Variants in KIDINS220 observed in about 807,000 individuals in gnomAD.
KIDINS220 encodes the protein kinase D interacting substrate 220.
KIDINS220 carries 63 observed loss-of-function variants against 157.6 expected under a neutral mutation model. The ratio of observed to expected loss-of-function variants is 0.40; its 90% CI spans 0.33 to 0.49. The LOEUF (loss-of-function observed/expected upper bound fraction) is 0.49, where lower values mean the gene tolerates loss of function less well. Among genes scored for constraint, KIDINS220 ranks in the 20% least tolerant of loss-of-function variants. The pLI is 0.66. For missense variants in KIDINS220, 1,772 were observed against 2,171.2 expected, an observed-to-expected ratio of 0.82 and a Z score of 3.65; for synonymous variants, 732 against 783.6, an observed-to-expected ratio of 0.93 and a Z score of 1.10.
chr2:8,795,676 C>A (rs1052004153), intron 11 of KIDINS220, among the ~76,000 whole-genome samples: 1 of 152,140 alleles, frequency 6.6e-6, no homozygotes, highest in African/African-American at 2.4e-5. Context: ...CAGCAACACA[C>A]AAAAGAATAC....
At chr2:8,759,544 C>T (rs1409373589) in intron 22 of KIDINS220, among the ~76,000 whole-genome samples, 1 of 148,926 alleles carries the variant, frequency 6.7e-6, no homozygotes. Context: ...TACAAAAACT[C>T]TCTTTGGCTT....
chr2:8,751,323 A>T, intron 23 of KIDINS220, 143 bp downstream of exon 23: 3 of 511,228 alleles, frequency 5.9e-6, no homozygotes, highest in Non-Finnish European at 1.0e-5. Context: ...CCTAATCTTT[A>T]ATTTCATGAA....
chr2:8,757,736 T>C (rs1419617121), intron 22 of KIDINS220: 1 of 1,612,460 alleles, frequency 6.2e-7, no homozygotes, highest in South Asian at 1.1e-5. Context: ...CAACTAACAC[T>C]GACTTGGAAA....
At chr2:8,727,024 GT>G, downstream of KIDINS220, 1 of 1,075,232 alleles carries the variant, frequency 9.3e-7, no homozygotes, top group African/African-American at 1.6e-5. Context: ...CTCAACCTTT[GT>G]GATAAGCCAT....
In KIDINS220 at chr2:8,791,121, A is replaced by T; in HGVS notation, c.1380T>A (p.Ile460=). The T allele has an allele frequency of 6.2e-7, 1 of 1,614,086 alleles. No individual in the cohort carries two copies. The highest frequency in any genetic ancestry group is 2.2e-5 in the East Asian group (1 of 44,874). ...CCCACTGTGCATATAACCCCACACA[A>T]ATGGGTGGCTGCATGGTAGGCTCAC... ...ILSEPTMQPP[I]CVGLYAQWGS... is the part of the protein sequence containing the mutation. Residue 460 remains isoleucine, a synonymous_variant, in exon 13 of 30, where the codon ATT becomes ATA. Coordinates refer to ENST00000256707, the MANE Select transcript of KIDINS220 (RefSeq NM_020738.4).
chr2:8,723,500 T>A (rs1414309910), downstream of KIDINS220: 1 of 152,190 alleles, frequency 6.6e-6, no homozygotes. Flanking sequence ...TCCCTCAACA[T>A]AATAAATTTT....
Position 8,750,192 on chromosome 2 carries a change from C to A in KIDINS220, c.3334G>T (p.Ala1112Ser). ...CSSTSFNGPF[A>S]GGVVSPQPHS... ...GGCTGTGGTGACACCACTCCACCTG[C>A]GAAGGGCCCATTGAAGGACGTGGAA... is the stretch of plus-strand genomic sequence containing the variant. The change falls in exon 24 of 30, where the codon GCA (alanine) becomes TCA (serine). Residue 1112 changes from alanine (A) to serine (S), a missense_variant. Physicochemically the swap from Ala to Ser is moderately conservative, Grantham distance 99. This residue lies in a region of KIDINS220 where 793 missense variants were observed against 885.5 expected (regional missense o/e 0.90). Coordinates refer to ENST00000256707, the MANE Select transcript of KIDINS220 (RefSeq NM_020738.4). 1.2e-6 allele frequency: 2 copies of A among 1,614,152 alleles called. No individual in the cohort carries two copies. Among genetic ancestry groups the A allele is most frequent in the Non-Finnish European group, 1.7e-6 (2 of 1,180,032 alleles).
intron 11 of KIDINS220, 46 bp downstream of exon 11, chr2:8,796,725 G>T: frequency 1.4e-6 from 2 of 1,451,440 alleles, no homozygotes; most frequent in South Asian, 2.3e-5. Flanking sequence ...GAGGTCAGTC[G>T]ACCAACAGCT....
Position 8,779,772 on chromosome 2 carries a change from T to C in KIDINS220, c.2272A>G (p.Thr758Ala). Residue 758 changes from threonine to alanine, a missense_variant, in exon 18 of 30, where the codon ACC becomes GCC. Transcript: ENST00000256707. ...TGATTCTGAGTGAAGCTGTCAATGG[T>C]TTTTGCCATCCTGGCCATCAATTCC... ...EVELMARMAK[T>A]IDSFTQNQTR... The C allele has an allele frequency of 1.2e-6, 2 of 1,613,974 alleles. No homozygotes were observed. The highest frequency in any genetic ancestry group is 1.7e-6 in the Non-Finnish European group (2 of 1,179,852).
intron 15 of KIDINS220, among the ~76,000 whole-genome samples, chr2:8,787,931 C>T (rs565575200): frequency 3.3e-5 from 5 of 152,178 alleles, no homozygotes; most frequent in East Asian, 1.9e-4. Flanking sequence ...CCAGGTTAAC[C>T]GCTCACATAA....
At chr2:8,825,490 T>C (rs1417338392) in intron 2 of KIDINS220, among the ~76,000 whole-genome samples, 1 of 152,084 alleles carries the variant, frequency 6.6e-6, no homozygotes, top group Non-Finnish European at 1.5e-5. Context: ...TTTTATGTTA[T>C]GTGTTTATCA....
chr2:8,728,744 GAGCCACATTCTCTTAAAA>G (rs1369904148), downstream of KIDINS220: 4 of 546,888 alleles, frequency 7.3e-6, no homozygotes, highest in Admixed American at 2.5e-4. Flanking sequence ...TGGGACTTAC[GAGCCACATTCTCTTAAAA>G]AGACTAGTTG....
intron 27 of KIDINS220, 124 bp downstream of exon 27, chr2:8,736,744 G>C (rs1041456977): frequency 1.9e-6 from 2 of 1,038,106 alleles, no homozygotes; most frequent in Non-Finnish European, 2.7e-6. Flanking sequence ...TTTCCATTTA[G>C]AGCTTTCCCA....
intron 8 of KIDINS220, among the ~76,000 whole-genome samples, chr2:8,802,132 C>A (rs1674800703): frequency 6.6e-6 from 1 of 152,022 alleles, no homozygotes; most frequent in Admixed American, 6.5e-5. Context: ...AAGAGGGGTA[C>A]AAAGTGGGGA....
At chr2:8,727,212 G>A (rs935894774), downstream of KIDINS220, 88 of 1,125,728 alleles carry the variant, frequency 7.8e-5, no homozygotes, top group Admixed American at 1.9e-4. Flanking sequence ...TGCTGCCCCC[G>A]CAAAAGAACA....
chr2:8,803,116 A>C lies in KIDINS220; in HGVS notation c.615T>G (p.Thr205=). ...CTCCTTTCACTGCCACAATAAGTGC[A>C]GTCATTGAATTCTAAAAACAACAAC... is the stretch of plus-strand genomic sequence containing the variant. ...DVDQEGANSM[T]ALIVAVKGGY... Residue 205 remains threonine, a synonymous_variant, in exon 8 of 30, where the codon ACT becomes ACG. Transcript: ENST00000256707. 5.0e-6 allele frequency: 8 copies of C among 1,608,716 alleles called. No homozygotes were observed. The highest frequency in any genetic ancestry group is 5.1e-6 in the Non-Finnish European group (6 of 1,179,038).
chr2:8,751,448 T>C lies in KIDINS220; in HGVS notation c.3190+18A>G, dbSNP rs762532700. 54 of 1,569,524 alleles carry C rather than the reference T, an allele frequency of 3.4e-5. 1 individual carries two copies. The South Asian group carries it at 6.3e-4, about 18-fold the overall frequency. On this transcript the variant is annotated intron_variant, in intron 23 of 29. Transcript: ENST00000256707. ...TTAGAACTTTAGATGAAAAATTAAA[T>C]TTACTACTAATACCCACCTGCAATA...
intron 5 of KIDINS220, 84 bp downstream of exon 5, chr2:8,813,153 C>A (rs1031277340): frequency 3.8e-6 from 3 of 791,562 alleles, no homozygotes; most frequent in South Asian, 3.6e-5. Context: ...CTACCCACCA[C>A]GAAGCCAAAT....
chr2:8,773,856 T>G (rs575074103), intron 21 of KIDINS220, among the ~76,000 whole-genome samples: 1 of 152,300 alleles, frequency 6.6e-6, no homozygotes, highest in African/African-American at 2.4e-5. Flanking sequence ...GTTGCTGGAA[T>G]TCCACCCCAG....
Sources: gnomAD v4.1 joint callset for allele counts (sites outside exome capture counted in the v4.1 genomes callset) on GRCh38, gnomAD v4.1.1 for gene constraint, gnomAD v4.1.1 regional missense constraint, MANE v1.5 for transcripts, NCBI Gene and HGNC (gene_info 2026-07-23, HGNC 2026-07-21) for gene names.